WDR41: variants seen among roughly 807,000 people sequenced by gnomAD.
The protein encoded by WDR41 is WD repeat-containing protein 41.
WDR41 carries 63 observed loss-of-function variants against 69.3 expected under a neutral mutation model. That is an observed-to-expected ratio of 0.91 (90% CI 0.74 to 1.12). The LOEUF (loss-of-function observed/expected upper bound fraction) is 1.12. Ranked by LOEUF, WDR41 falls within the 50% of genes most tolerant of loss-of-function variation. WDR41 has a pLI of 0.00. For synonymous variants in WDR41, 185 were observed against 192.1 expected (o/e 0.96, Z 0.31); for missense variants, 543 against 534.5 (o/e 1.02, Z -0.16).
At chr5:77,501,745 T>C (rs1423515963) in intron 1 of WDR41, among the ~76,000 whole-genome samples, 3 of 152,010 alleles carry the variant, frequency 2.0e-5, no homozygotes, top group Non-Finnish European at 4.4e-5. Context: ...GCAAACAGGG[T>C]CTGGAGTGGA....
chr5:77,578,501 T>C (rs369008883), intron 1 of WDR41, among the ~76,000 whole-genome samples: 1 of 152,198 alleles, frequency 6.6e-6, no homozygotes, highest in African/African-American at 2.4e-5. Context: ...CAACAGAAAC[T>C]GCTAGTGAGA....
intron 1 of WDR41, among the ~76,000 whole-genome samples, chr5:77,609,211 C>A (rs1315093095): frequency 1.3e-5 from 2 of 152,214 alleles, no homozygotes; most frequent in Non-Finnish European, 2.9e-5. Flanking sequence ...TCTGTAGGCT[C>A]CACCTCTGGG....
intron 5 of WDR41, among the ~76,000 whole-genome samples, chr5:77,458,041 C>T (rs1199144113): frequency 6.6e-6 from 1 of 152,048 alleles, no homozygotes; most frequent in Non-Finnish European, 1.5e-5. Context: ...CACATATTTT[C>T]ATTGGAAACT....
intron 8 of WDR41, among the ~76,000 whole-genome samples, chr5:77,443,564 T>A (rs1171893920): frequency 6.6e-6 from 1 of 152,174 alleles, no homozygotes; most frequent in Non-Finnish European, 1.5e-5. Flanking sequence ...AAAACGGGCT[T>A]CTAGTTTTAG....
At chr5:77,468,457 T>C (rs1460840811) in intron 2 of WDR41, among the ~76,000 whole-genome samples, 6 of 152,312 alleles carry the variant, frequency 3.9e-5, no homozygotes, top group African/African-American at 1.4e-4. Context: ...TATTCTCTCG[T>C]TCCTTCCAAC....
chr5:77,598,316 A>G (rs1399854115), intron 1 of WDR41, among the ~76,000 whole-genome samples: 2 of 152,162 alleles, frequency 1.3e-5, no homozygotes, highest in East Asian at 3.8e-4. Context: ...TCAGTGCATC[A>G]TTTCCCTGGA....
chr5:77,441,667 C>T (rs972426014), intron 8 of WDR41, among the ~76,000 whole-genome samples: 51 of 151,864 alleles, frequency 3.4e-4, no homozygotes, highest in Non-Finnish European at 1.8e-4. Context: ...GAACCTGGGA[C>T]GCAGAGGTCG....
rs1450576045 is a variant in WDR41 at position 77,432,530 on chromosome 5, T to C, written c.*605A>G. Reference sequence around the variant, plus strand: ...CATGGCTCTTCAAGCCAATTCACACTGGGAAAAACACACCCTCACAAGATG... The same window carrying C: ...CATGGCTCTTCAAGCCAATTCACACCGGGAAAAACACACCCTCACAAGATG... On this transcript the variant is annotated 3_prime_UTR_variant, in exon 13 of 13. Transcript: ENST00000296679. The C allele has an allele frequency of 6.6e-6, 1 of 152,280 alleles. No individual in the cohort carries two copies. Among genetic ancestry groups the C allele is most frequent in the Non-Finnish European group, 1.5e-5 (1 of 68,048 alleles). The allele number at this position is 152,280 out of a possible 1,614,324, so 9.4% of individuals were successfully genotyped here. A position where few individuals can be genotyped will look rare whatever the true frequency, so the allele number is the denominator to read the frequency against.
chr5:77,597,636 C>T (rs1001237871), intron 1 of WDR41, among the ~76,000 whole-genome samples: 4 of 152,204 alleles, frequency 2.6e-5, no homozygotes, highest in Non-Finnish European at 5.9e-5. Flanking sequence ...CTAGAATGTA[C>T]ACTCCTTGAA....
intron 1 of WDR41, among the ~76,000 whole-genome samples, chr5:77,574,160 TG>T (rs1743783785): frequency 6.6e-6 from 1 of 152,004 alleles, no homozygotes; most frequent in Non-Finnish European, 1.5e-5. Flanking sequence ...TAGCCAGGTA[TG>T]GTGGCACGTT....
intron 1 of WDR41, among the ~76,000 whole-genome samples, chr5:77,498,716 G>A (rs1454628584): frequency 2.6e-5 from 4 of 151,734 alleles, no homozygotes; most frequent in Non-Finnish European, 4.4e-5. Context: ...TAACTCAGGA[G>A]GCTGAGGCAA....
chr5:77,606,595 G>C (rs948195530), intron 1 of WDR41, among the ~76,000 whole-genome samples: 2 of 152,004 alleles, frequency 1.3e-5, no homozygotes, highest in Non-Finnish European at 2.9e-5. Flanking sequence ...TTGAGGCCAG[G>C]AGTTCAAGAC....
chr5:77,455,520 C>A (rs1156910045), intron 5 of WDR41, among the ~76,000 whole-genome samples: 3 of 152,158 alleles, frequency 2.0e-5, no homozygotes, highest in Non-Finnish European at 4.4e-5. Context: ...ATATTTAAGA[C>A]ACCTAGCCCA....
chr5:77,609,811 G>T (rs1200441169), intron 1 of WDR41, among the ~76,000 whole-genome samples: 2 of 152,246 alleles, frequency 1.3e-5, no homozygotes, highest in African/African-American at 4.8e-5. Context: ...GACGGAGAAT[G>T]ACTTTGACGA....
intron 2 of WDR41, among the ~76,000 whole-genome samples, chr5:77,469,800 G>A (rs1174968254): frequency 6.6e-6 from 1 of 152,204 alleles, no homozygotes; most frequent in African/African-American, 2.4e-5. Context: ...ATCTACGTCT[G>A]ATTGGTGTAA....
At chr5:77,604,057 G>A (rs184520341) in intron 1 of WDR41, among the ~76,000 whole-genome samples, 12 of 152,200 alleles carry the variant, frequency 7.9e-5, no homozygotes, top group Non-Finnish European at 1.3e-4. Context: ...TGGCTATTCA[G>A]GCTCTTTTCT....
At chr5:77,476,690 G>C (rs1415032441) in intron 2 of WDR41, among the ~76,000 whole-genome samples, 1 of 151,428 alleles carries the variant, frequency 6.6e-6, no homozygotes, top group Non-Finnish European at 1.5e-5. Flanking sequence ...ACATGGAAAG[G>C]AACAACCAGT....
intron 4 of WDR41, among the ~76,000 whole-genome samples, chr5:77,461,647 C>T (rs574933265): frequency 1.3e-5 from 2 of 152,180 alleles, no homozygotes; most frequent in Admixed American, 1.3e-4. Flanking sequence ...GCCAGCCTGG[C>T]CAATATGGTG....
At chr5:77,546,837 C>T (rs1743208422) in intron 1 of WDR41, among the ~76,000 whole-genome samples, 1 of 152,070 alleles carries the variant, frequency 6.6e-6, no homozygotes, top group Non-Finnish European at 1.5e-5. Flanking sequence ...AAACTACAGA[C>T]CAATAGCCCT....
Sources: gnomAD v4.1 joint callset for allele counts (sites outside exome capture counted in the v4.1 genomes callset) on GRCh38, gnomAD v4.1.1 for gene constraint, MANE v1.5 for transcripts, NCBI Gene and HGNC (gene_info 2026-07-23, HGNC 2026-07-21) for gene names.